BIN2: variants seen among roughly 807,000 people sequenced by gnomAD.
BIN2 encodes the protein breast cancer associated protein BRAP1.
In BIN2, 43 loss-of-function variants were observed where a neutral mutation model predicts 67.9. The observed-to-expected ratio is 0.63, with a 90% CI of 0.50 to 0.82. The LOEUF (loss-of-function observed/expected upper bound fraction) is 0.82. Ranked by LOEUF, BIN2 falls within the 40% of genes least tolerant of loss-of-function variation. The pLI is 0.00. For synonymous variants in BIN2, 244 were observed against 246.8 expected, an observed-to-expected ratio of 0.99 and a Z score of 0.11; for missense variants, 581 against 671.6, an observed-to-expected ratio of 0.87 and a Z score of 1.49.
chr12:51,286,709 T>G (rs1388535868), intron 11 of BIN2, among the ~76,000 whole-genome samples: 1 of 152,206 alleles, frequency 6.6e-6, no homozygotes, highest in Non-Finnish European at 1.5e-5. Flanking sequence ...GCTTACCTAC[T>G]CAAAACCCCG....
At chr12:51,294,291 G>A (rs993058479) in intron 9 of BIN2, among the ~76,000 whole-genome samples, 33 of 152,222 alleles carry the variant, frequency 2.2e-4, no homozygotes, top group Admixed American at 3.9e-4. Context: ...CAAAACAGCC[G>A]GGCGTGGTGG....
At chr12:51,316,328 CAA>C (rs3059178) in intron 1 of BIN2, among the ~76,000 whole-genome samples, 132 of 123,256 alleles carry the variant, frequency 1.1e-3, no homozygotes, top group Non-Finnish European at 1.2e-3. Flanking sequence ...ACTAAAAATA[CAA>C]AAAAAAAAAA....
intron 2 of BIN2, among the ~76,000 whole-genome samples, chr12:51,304,950 A>G (rs1291646193): frequency 1.3e-5 from 2 of 152,100 alleles, no homozygotes; most frequent in Non-Finnish European, 2.9e-5. Context: ...CCCAGGAGGC[A>G]GAACTTGCAG....
intron 1 of BIN2, among the ~76,000 whole-genome samples, 158 bp from the exon 2 acceptor site, chr12:51,314,061 T>C (rs1946064312): frequency 6.8e-6 from 1 of 146,682 alleles, no homozygotes; most frequent in South Asian, 2.2e-4. Flanking sequence ...TATTTATTTA[T>C]TTTTGAGACG....
At chr12:51,294,865 T>A (rs995006999) in intron 9 of BIN2, among the ~76,000 whole-genome samples, 4 of 152,162 alleles carry the variant, frequency 2.6e-5, no homozygotes, top group Non-Finnish European at 4.4e-5. Context: ...GTTCTTAAAT[T>A]TGATGGTAGG....
Position 51,292,332 on chromosome 12 carries a change from G to T in BIN2, c.774C>A (p.Arg258=). ...GAACTGGGGGAGAAATGACTAAAGA[G>T]CGCCTGCTGCTGCTAAAAAAGGAAG... ...VVKGLSSSSR[R]SLVISPPVRT... is the part of the protein sequence containing the mutation. The change falls in exon 10 of 13, where the codon CGC becomes CGA. Residue 258 remains arginine (R), a synonymous_variant. Coordinates refer to ENST00000615107, the MANE Select transcript of BIN2 (RefSeq NM_016293.4). 1.3e-6 allele frequency: 2 copies of T among 1,570,648 alleles called. No homozygotes were observed. Among genetic ancestry groups the T allele is most frequent in the Non-Finnish European group, 1.7e-6 (2 of 1,163,486 alleles).
At chr12:51,296,176 A>G (rs1945562551) in intron 8 of BIN2, among the ~76,000 whole-genome samples, 1 of 152,132 alleles carries the variant, frequency 6.6e-6, no homozygotes, top group Non-Finnish European at 1.5e-5. Flanking sequence ...GATCCAGGGA[A>G]TGAAAACTCA....
At chr12:51,318,155 AG>A (rs1042448468) in intron 1 of BIN2, among the ~76,000 whole-genome samples, 103 of 152,170 alleles carry the variant, frequency 6.8e-4, no homozygotes, top group African/African-American at 2.2e-3. Context: ...GAAGCTAGAA[AG>A]GGAGACTGGA....
intron 2 of BIN2, among the ~76,000 whole-genome samples, chr12:51,311,229 T>G (rs1037177357): frequency 6.6e-6 from 1 of 151,954 alleles, no homozygotes; most frequent in African/African-American, 2.4e-5. Flanking sequence ...TTTTTCTTAT[T>G]TTTTGTAGAG....
chr12:51,297,981 C>T (rs1272580964), intron 7 of BIN2, among the ~76,000 whole-genome samples: 2 of 152,160 alleles, frequency 1.3e-5, no homozygotes, highest in African/African-American at 2.4e-5. Flanking sequence ...CACGGTGGCT[C>T]ATGCCTGTAA....
chr12:51,296,967 G>A lies in BIN2; in HGVS notation c.678+122C>T, dbSNP rs2288367. 7.5e-5 allele frequency: 63 copies of A among 840,294 alleles called. No individual in the cohort carries two copies. In the African/African-American group the frequency reaches 1.0e-3, roughly 14 times the overall value. The allele number at this position is 840,294 out of a possible 1,614,324, so 52.1% of individuals were successfully genotyped here. The stretch of plus-strand genomic sequence containing the variant: ...CAATCAAGTGCTCTTATTTCATCAT[G>A]AGAGAAAAGCCAAAATCTGTGGTGC... On this transcript the variant is annotated intron_variant, in intron 8 of 12. Transcript: ENST00000615107.
chr12:51,298,978 C>T (rs1329532844), intron 7 of BIN2, among the ~76,000 whole-genome samples: 1 of 150,916 alleles, frequency 6.6e-6, no homozygotes, highest in African/African-American at 2.4e-5. Flanking sequence ...GTGGCTGAAG[C>T]ACAACAATCA....
At chr12:51,288,856 T>C (rs935954663) in intron 10 of BIN2, among the ~76,000 whole-genome samples, 50 of 152,048 alleles carry the variant, frequency 3.3e-4, no homozygotes, top group African/African-American at 1.2e-3. Context: ...TTCAAGCGAT[T>C]CTCCTGCCTC....
rs762041854 is a variant in BIN2 at position 51,313,891 on chromosome 12, A to G, written c.94T>C (p.Leu32=). The G allele has an allele frequency of 1.9e-6, 3 of 1,613,670 alleles. No individual in the cohort carries two copies. Among genetic ancestry groups the G allele is most frequent in the Non-Finnish European group, 2.5e-6 (3 of 1,179,732 alleles). The stretch of plus-strand genomic sequence containing the variant: ...TCTTTGGTTTCTACAGCTTTCCCCA[A>G]TTTCTGCAGCACCTAGGGATATAAG... ...SRAQEKVLQK[L]GKAVETKDER... The change falls in exon 2 of 13, where the codon TTG becomes CTG. Residue 32 remains leucine (L), a synonymous_variant. Transcript: ENST00000615107.
chr12:51,313,815 C>T lies in BIN2; in HGVS notation c.162+8G>A, dbSNP rs750548452. 12 of 1,610,414 alleles carry T rather than the reference C, an allele frequency of 7.5e-6. 1 individual carries two copies. In the Middle Eastern group the frequency reaches 1.2e-3, roughly 155 times the overall value. The stretch of plus-strand genomic sequence containing the variant: ...TTCCAAGCTTCCCTCCCCTACCCTC[C>T]AGATTACCTGTTGTTGGTAGAAGTT... On this transcript the variant is annotated splice_region_variant and intron_variant, in intron 2 of 12. Coordinates refer to ENST00000615107, the MANE Select transcript of BIN2 (RefSeq NM_016293.4).
chr12:51,298,166 G>A (rs1945620036), intron 7 of BIN2, among the ~76,000 whole-genome samples: 1 of 152,184 alleles, frequency 6.6e-6, no homozygotes. Context: ...AAGGTCAGGA[G>A]ATTGAGACCA....
In BIN2 at chr12:51,281,270, T is replaced by A; in HGVS notation, c.*229A>T. On this transcript the variant is annotated 3_prime_UTR_variant, in exon 13 of 13. Coordinates refer to ENST00000615107, the MANE Select transcript of BIN2 (RefSeq NM_016293.4). ...TATTCTAATAATGCTAAAACCAGAA[T>A]TAAATATTCCCTGAGTCTAATGTTC... The A allele has an allele frequency of 1.7e-6, 1 of 576,564 alleles. No individual in the cohort carries two copies. Among genetic ancestry groups the A allele is most frequent in the South Asian group, 2.3e-5 (1 of 44,310 alleles). 35.7% of individuals were successfully genotyped at this position (576,564 alleles called of 1,614,324 possible). A position where few individuals can be genotyped will look rare whatever the true frequency, so the allele number is the denominator to read the frequency against.
intron 1 of BIN2, among the ~76,000 whole-genome samples, chr12:51,320,643 T>A (rs1479568469): frequency 6.7e-4 from 102 of 151,832 alleles, no homozygotes; most frequent in African/African-American, 9.4e-4. Context: ...TCTTTTTTTT[T>A]TTTTTTTTTA....
chr12:51,309,336 C>T (rs1023551799), intron 2 of BIN2, among the ~76,000 whole-genome samples: 1 of 152,198 alleles, frequency 6.6e-6, no homozygotes, highest in African/African-American at 2.4e-5. Context: ...TCAGACGTGA[C>T]TGTATTGTCA....
Sources: allele counts gnomAD v4.1 joint callset (sites outside exome capture counted in the v4.1 genomes callset), GRCh38; gene constraint gnomAD v4.1.1; transcripts MANE v1.5; gene names NCBI Gene and HGNC (gene_info 2026-07-23, HGNC 2026-07-21).